TNFAIP8L3: variants seen among roughly 807,000 people sequenced by gnomAD.
TNFAIP8L3 encodes the protein TNF alpha induced protein 8 like 3.
A neutral mutation model predicts 11.8 loss-of-function variants in TNFAIP8L3; 7 were observed. The observed-to-expected ratio is 0.59, with a 90% CI of 0.34 to 1.11. TNFAIP8L3 has a LOEUF of 1.11. TNFAIP8L3 is among the 50% of genes most tolerant of loss of function. The pLI is 0.03. For missense variants in TNFAIP8L3, 219 were observed against 258.6 expected, an observed-to-expected ratio of 0.85 and a Z score of 1.05; for synonymous variants, 98 against 103.8, an observed-to-expected ratio of 0.94 and a Z score of 0.34.
chr15:51,093,208 G>A (rs1325333287), intron 1 of TNFAIP8L3, among the ~76,000 whole-genome samples: 1 of 152,174 alleles, frequency 6.6e-6, no homozygotes, highest in East Asian at 1.9e-4. Flanking sequence ...ACACACACAG[G>A]AATCCTTAAA....
intron 1 of TNFAIP8L3, among the ~76,000 whole-genome samples, chr15:51,064,273 T>C (rs2065256769): frequency 6.6e-6 from 1 of 152,200 alleles, no homozygotes; most frequent in African/African-American, 2.4e-5. Context: ...TATAGAGCAC[T>C]TGTCCTGTTA....
At chr15:51,104,928 T>A in intron 1 of TNFAIP8L3, 1 of 1,585,336 alleles carries the variant, frequency 6.3e-7, no homozygotes, top group Non-Finnish European at 8.6e-7. Flanking sequence ...CATCCTCAGC[T>A]CGCCACCTTG....
chr15:51,058,231 C>A lies in TNFAIP8L3; in HGVS notation c.265G>T (p.Gly89Trp), dbSNP rs778710938. The A allele has an allele frequency of 3.1e-6, 5 of 1,614,042 alleles. No individual in the cohort carries two copies. In the South Asian group the frequency reaches 5.5e-5, roughly 18 times the overall value. ...KDLIKVAIKIGILYRNNQFSQ... is the reference protein window; with the variant it reads ...KDLIKVAIKIWILYRNNQFSQ... ...AACTGGTTGTTCCGGTAGAGGATCC[C>A]GATTTTGATCGCCACCTTGATTAAG... The change falls in exon 2 of 2, where the codon GGG becomes TGG. Residue 89 changes from glycine to tryptophan, a missense_variant. Transcript: ENST00000637513.
At chr15:51,102,942 C>A (rs1051736223) in intron 1 of TNFAIP8L3, among the ~76,000 whole-genome samples, 2 of 152,130 alleles carry the variant, frequency 1.3e-5, no homozygotes, top group African/African-American at 4.8e-5. Flanking sequence ...AGGACTTGAC[C>A]AATGCCTCTT....
At chr15:51,072,595 G>A (rs1290577439) in intron 1 of TNFAIP8L3, among the ~76,000 whole-genome samples, 1 of 152,032 alleles carries the variant, frequency 6.6e-6, no homozygotes, top group Non-Finnish European at 1.5e-5. Flanking sequence ...TTCACATTTA[G>A]GTCTTTAATC....
At chr15:51,081,488 G>A (rs147211102) in intron 1 of TNFAIP8L3, among the ~76,000 whole-genome samples, 2 of 152,276 alleles carry the variant, frequency 1.3e-5, no homozygotes, top group Non-Finnish European at 2.9e-5. Flanking sequence ...TGTGCCCCAT[G>A]ACTCCCTGAA....
chr15:51,064,631 A>G (rs565770098), intron 1 of TNFAIP8L3: 1 of 152,362 alleles, frequency 6.6e-6, no homozygotes, highest in African/African-American at 2.4e-5. Context: ...CTGGGGAGAT[A>G]CCATTGTTTC....
intron 1 of TNFAIP8L3, among the ~76,000 whole-genome samples, chr15:51,081,072 G>A (rs547910547): frequency 1.4e-4 from 21 of 152,198 alleles, no homozygotes; most frequent in African/African-American, 4.8e-4. Context: ...TTTTTGCTTC[G>A]TGACTTAACT....
intron 1 of TNFAIP8L3, among the ~76,000 whole-genome samples, chr15:51,066,394 C>T (rs7179077): frequency 0.011 from 1,659 of 152,242 alleles, 28 homozygotes; most frequent in African/African-American, 0.039. Flanking sequence ...GAACTCCTGA[C>T]CTCGTGATCC....
At chr15:51,090,410 A>G (rs1372948608) in intron 1 of TNFAIP8L3, among the ~76,000 whole-genome samples, 1 of 152,168 alleles carries the variant, frequency 6.6e-6, no homozygotes, top group Admixed American at 6.5e-5. Context: ...CCAGATGTAC[A>G]TTCTGAAAAC....
upstream of TNFAIP8L3, among the ~76,000 whole-genome samples, chr15:51,099,483 T>C (rs1184733608): frequency 1.6e-4 from 25 of 152,192 alleles, no homozygotes; most frequent in Non-Finnish European, 4.4e-5. Context: ...AGAAGAAAAC[T>C]CTATGGGCCC....
intron 1 of TNFAIP8L3, among the ~76,000 whole-genome samples, chr15:51,070,967 C>T (rs2065304331): frequency 1.4e-5 from 2 of 140,004 alleles, no homozygotes; most frequent in Admixed American, 7.4e-5. Context: ...AGGAGAATGG[C>T]GTGAACCCGG....
intron 1 of TNFAIP8L3, among the ~76,000 whole-genome samples, chr15:51,101,597 G>A (rs143437188): frequency 1.5e-3 from 232 of 151,160 alleles, no homozygotes; most frequent in Admixed American, 2.2e-3. Context: ...CTCCAGCCTG[G>A]GCAACAAGAG....
chr15:51,093,733 G>C (rs914890155), intron 1 of TNFAIP8L3, among the ~76,000 whole-genome samples: 2 of 152,168 alleles, frequency 1.3e-5, no homozygotes, highest in African/African-American at 4.8e-5. Context: ...GGTGGGGGGC[G>C]GAGCGGACCG....
At chr15:51,102,531 AG>A (rs2065561728) in intron 1 of TNFAIP8L3, among the ~76,000 whole-genome samples, 2 of 152,108 alleles carry the variant, frequency 1.3e-5, no homozygotes, top group South Asian at 4.2e-4. Context: ...CATTTATGTA[AG>A]TCTCTGATTT....
chr15:51,087,503 G>A (rs2065437939), intron 1 of TNFAIP8L3, among the ~76,000 whole-genome samples: 1 of 152,214 alleles, frequency 6.6e-6, no homozygotes, highest in African/African-American at 2.4e-5. Flanking sequence ...TCTCCATGAA[G>A]CTACGTATGG....
At position 51,094,271 on chromosome 15, in the gene TNFAIP8L3, T is replaced by G. The variant is rs2140982779; in HGVS notation, c.52+273A>C. On this transcript the variant is annotated intron_variant, in intron 1 of 1. Coordinates refer to ENST00000637513, the MANE Select transcript of TNFAIP8L3 (RefSeq NM_001311175.2). The surrounding 1 kb of genome is among the most constrained non-coding windows in gnomAD (Gnocchi z 4.4). ...TACAGTACGCGGATTCCCGAACCCT[T>G]CCCCGCCCCCACCCAGCCCGGGCGA... Among the ~76,000 whole-genome samples the G allele has an allele frequency of 6.6e-6, 1 of 152,166 alleles. No homozygotes were observed. The highest frequency in any genetic ancestry group is 1.9e-4 in the East Asian group (1 of 5,152).
At chr15:51,063,291 G>A (rs968771609) in intron 1 of TNFAIP8L3, among the ~76,000 whole-genome samples, 1 of 152,262 alleles carries the variant, frequency 6.6e-6, no homozygotes, top group Admixed American at 6.5e-5. Context: ...AACTATTTTT[G>A]CCTCCTGAGT....
At chr15:51,080,980 G>C (rs1035906013) in intron 1 of TNFAIP8L3, among the ~76,000 whole-genome samples, 2 of 152,244 alleles carry the variant, frequency 1.3e-5, no homozygotes, top group Non-Finnish European at 2.9e-5. Context: ...CATCATTGTT[G>C]TCTAAAGTTC....
Sources: allele counts gnomAD v4.1 joint callset (sites outside exome capture counted in the v4.1 genomes callset), GRCh38; gene constraint gnomAD v4.1.1; non-coding constraint Gnocchi (gnomAD v3.1); transcripts MANE v1.5; gene names NCBI Gene and HGNC (gene_info 2026-07-23, HGNC 2026-07-21).